PTPRN2: variants seen among roughly 807,000 people sequenced by gnomAD.
PTPRN2 encodes protein tyrosine phosphatase receptor type N2.
A neutral mutation model predicts 118.8 loss-of-function variants in PTPRN2; 74 were observed. The observed-to-expected ratio is 0.62, with a 90% CI of 0.52 to 0.76. PTPRN2 has a LOEUF of 0.76. Among genes scored for constraint, PTPRN2 ranks in the 30% least tolerant of loss-of-function variants. The probability of loss-of-function intolerance (pLI) is 0.00; values close to 1 mark genes in which losing one functional copy is unlikely to be tolerated. For synonymous variants in PTPRN2, 641 were observed against 608.0 expected (o/e 1.05, Z -0.80); for missense variants, 1,481 against 1,394.4 (o/e 1.06, Z -0.99).
chr7:158,210,387 G>A (rs564379013), intron 3 of PTPRN2, among the ~76,000 whole-genome samples: 89 of 151,710 alleles, frequency 5.9e-4, no homozygotes, highest in South Asian at 1.2e-3. Context: ...CGCCCGCCTC[G>A]GCCTCCCAAA....
chr7:158,146,537 T>C (rs555618617), intron 6 of PTPRN2, among the ~76,000 whole-genome samples: 12 of 151,966 alleles, frequency 7.9e-5, no homozygotes, highest in African/African-American at 1.7e-4. Context: ...CTGACTAACA[T>C]GGTGAAACCC....
At chr7:158,448,582 C>T (rs997805478) in intron 2 of PTPRN2, among the ~76,000 whole-genome samples, 4 of 152,136 alleles carry the variant, frequency 2.6e-5, no homozygotes, top group South Asian at 2.1e-4. Context: ...AGCCCCTCAG[C>T]GGGAGGGCCG....
intron 2 of PTPRN2, among the ~76,000 whole-genome samples, chr7:158,343,869 C>T (rs1434905602): frequency 1.3e-5 from 2 of 150,728 alleles, no homozygotes; most frequent in East Asian, 1.9e-4. Context: ...CAGCTACAAT[C>T]GAGCTCAGGT....
intron 9 of PTPRN2, among the ~76,000 whole-genome samples, chr7:158,122,351 C>T (rs73745125): frequency 0.014 from 2,195 of 152,234 alleles, 53 homozygotes; most frequent in African/African-American, 0.05. Flanking sequence ...CCTAAGGCCT[C>T]GGCAAGCACT....
At chr7:157,996,371 T>G (rs1364936671) in intron 11 of PTPRN2, among the ~76,000 whole-genome samples, 1 of 152,230 alleles carries the variant, frequency 6.6e-6, no homozygotes, top group African/African-American at 2.4e-5. Context: ...ACTTCACCAC[T>G]ACACAACAGA....
intron 9 of PTPRN2, among the ~76,000 whole-genome samples, chr7:158,132,341 C>G (rs1818408655): frequency 6.6e-6 from 1 of 151,416 alleles, no homozygotes; most frequent in Non-Finnish European, 1.5e-5. Context: ...CAAATAAGCA[C>G]AAACCAATAC....
chr7:158,186,328 G>A (rs1199157665), intron 5 of PTPRN2, among the ~76,000 whole-genome samples: 2 of 151,836 alleles, frequency 1.3e-5, no homozygotes, highest in Non-Finnish European at 1.5e-5. Flanking sequence ...GGGCTCACTC[G>A]TGTTGTTGGG....
intron 11 of PTPRN2, among the ~76,000 whole-genome samples, chr7:157,988,027 G>A (rs2128840213): frequency 6.6e-6 from 1 of 151,926 alleles, no homozygotes; most frequent in East Asian, 2.0e-4. Context: ...ACATGCAGGG[G>A]ACCGGAGTCC....
intron 12 of PTPRN2, among the ~76,000 whole-genome samples, chr7:157,721,317 T>A (rs565365727): frequency 1.4e-4 from 22 of 152,286 alleles, no homozygotes; most frequent in African/African-American, 5.1e-4. Context: ...GCTTCCCTCG[T>A]CGGAAAGTCT....
At chr7:158,054,949 C>T (rs560309005) in intron 11 of PTPRN2, among the ~76,000 whole-genome samples, 6 of 152,348 alleles carry the variant, frequency 3.9e-5, no homozygotes, top group South Asian at 4.1e-4. Flanking sequence ...CCCCATCCTT[C>T]GTGCTCTGCC....
At position 157,976,815 on chromosome 7, in the gene PTPRN2, G is replaced by A. The variant is rs12534844; in HGVS notation, c.1724-78078C>T. The stretch of plus-strand genomic sequence containing the variant: ...AATGTACCTAAGCCCATGTTGTCTT[G>A]TTGATATTAAACTGTGGGGGTATAG... On this transcript the variant is annotated intron_variant, in intron 11 of 22. Transcript: ENST00000389418. Among the ~76,000 whole-genome samples, 600 of 152,018 alleles carry A rather than the reference G, an allele frequency of 3.9e-3. 17 individuals are homozygous for A. The South Asian group carries it at 0.05, about 13-fold the overall frequency.
At chr7:157,599,622 T>A (rs1801545437) in intron 16 of PTPRN2, among the ~76,000 whole-genome samples, 2 of 152,194 alleles carry the variant, frequency 1.3e-5, no homozygotes, top group African/African-American at 2.4e-5. Context: ...TGTCCTGCAG[T>A]CCTCAACAGC....
chr7:158,298,994 G>A (rs1554445233), intron 3 of PTPRN2, among the ~76,000 whole-genome samples: 2 of 152,168 alleles, frequency 1.3e-5, no homozygotes, highest in Non-Finnish European at 2.9e-5. Context: ...AACCGCACAG[G>A]AAGGAGGGTG....
chr7:158,507,243 C>G (rs988830787), intron 1 of PTPRN2, among the ~76,000 whole-genome samples: 2 of 151,812 alleles, frequency 1.3e-5, no homozygotes, highest in African/African-American at 4.8e-5. Flanking sequence ...ACAGAGAGGT[C>G]AGTGAGGACT....
intron 8 of PTPRN2, among the ~76,000 whole-genome samples, chr7:158,134,731 G>A (rs1442957968): frequency 1.3e-5 from 2 of 152,188 alleles, no homozygotes; most frequent in African/African-American, 4.8e-5. Flanking sequence ...TCCTGGACAA[G>A]CCATCCCTCG....
chr7:158,367,526 A>G (rs1809633320), intron 2 of PTPRN2, among the ~76,000 whole-genome samples: 1 of 152,174 alleles, frequency 6.6e-6, no homozygotes, highest in Non-Finnish European at 1.5e-5. Flanking sequence ...ACTGTGCTGG[A>G]GTCAGGCTGG....
At chr7:157,837,629 C>T (rs559476844) in intron 12 of PTPRN2, among the ~76,000 whole-genome samples, 19 of 152,220 alleles carry the variant, frequency 1.2e-4, no homozygotes, top group African/African-American at 2.9e-4. Flanking sequence ...CTGAGTCCTT[C>T]GCACTCCTGC....
intron 11 of PTPRN2, among the ~76,000 whole-genome samples, chr7:157,945,160 G>A (rs1201694886): frequency 6.6e-6 from 1 of 152,118 alleles, no homozygotes; most frequent in East Asian, 1.9e-4. Context: ...GGGATGCGGA[G>A]GCCCCAGTGC....
Position 157,550,608 on chromosome 7 carries a change from A to T in PTPRN2, c.2903-1589T>A, listed in dbSNP as rs575043670. ...CCTGGCAGGAACAGGGCTCGTGGTG[A>T]TGGGAGCCACTGTCGGGGCTAAGCT... On this transcript the variant is annotated intron_variant, in intron 21 of 22. Coordinates refer to ENST00000389418, the MANE Select transcript of PTPRN2 (RefSeq NM_002847.5). The surrounding 1 kb of genome is among the most constrained non-coding windows in gnomAD (Gnocchi z 5.2). Among the ~76,000 whole-genome samples, 1 of 152,282 alleles carries T rather than the reference A, an allele frequency of 6.6e-6. No individual in the cohort carries two copies. The highest frequency in any genetic ancestry group is 1.5e-5 in the Non-Finnish European group (1 of 68,028).
Sources: allele counts gnomAD v4.1 joint callset (sites outside exome capture counted in the v4.1 genomes callset), GRCh38; gene constraint gnomAD v4.1.1; non-coding constraint Gnocchi (gnomAD v3.1); transcripts MANE v1.5; gene names NCBI Gene and HGNC (gene_info 2026-07-23, HGNC 2026-07-21).